The following CEP128 variants were observed in gnomAD, a reference collection of about 807,000 sequenced individuals.
CEP128 encodes centrosomal protein 128.
CEP128 carries 132 observed loss-of-function variants against 156.7 expected under a neutral mutation model. That is an observed-to-expected ratio of 0.84 (90% CI 0.73 to 0.97). The LOEUF is 0.97. Ranked by LOEUF, CEP128 falls within the 50% of genes least tolerant of loss-of-function variation. CEP128 has a pLI of 0.00. For missense variants in CEP128, 1,252 were observed against 1,281.9 expected (o/e 0.98, Z 0.36); for synonymous variants, 469 against 448.9 (o/e 1.04, Z -0.57).
intron 19 of CEP128, among the ~76,000 whole-genome samples, chr14:80,648,646 G>T (rs1894764486): frequency 6.6e-6 from 1 of 151,990 alleles, no homozygotes; most frequent in Non-Finnish European, 1.5e-5. Context: ...CTACATATTT[G>T]TAAACTTCTG....
intron 4 of CEP128, among the ~76,000 whole-genome samples, chr14:80,907,636 C>T (rs1020375407): frequency 7.9e-5 from 10 of 126,522 alleles, no homozygotes; most frequent in Non-Finnish European, 1.3e-4. Context: ...CCAGCCTGGG[C>T]GGCAGAGCGA....
chr14:80,890,839 CA>C (rs1433824384), intron 8 of CEP128, among the ~76,000 whole-genome samples: 1 of 151,758 alleles, frequency 6.6e-6, no homozygotes, highest in Non-Finnish European at 1.5e-5. Flanking sequence ...ATAAGGAGCT[CA>C]AACAACTCTA....
intron 20 of CEP128, among the ~76,000 whole-genome samples, chr14:80,561,778 T>C (rs971098134): frequency 6.6e-6 from 1 of 151,998 alleles, no homozygotes; most frequent in Non-Finnish European, 1.5e-5. Context: ...GCATTATAAG[T>C]TGTGTATGAG....
At chr14:80,791,174 T>C (rs950571816) in intron 14 of CEP128, among the ~76,000 whole-genome samples, 11 of 152,180 alleles carry the variant, frequency 7.2e-5, no homozygotes, top group Admixed American at 3.9e-4. Flanking sequence ...CTGAGCACAT[T>C]TCTTACTCTT....
intron 5 of CEP128, 56 bp from the exon 6 acceptor site, chr14:80,904,987 C>G (rs1265659656): frequency 7.8e-6 from 8 of 1,028,064 alleles, no homozygotes; most frequent in Admixed American, 1.7e-5. Context: ...AAGAGACAAT[C>G]TAAAATTTTA....
At chr14:80,955,622 C>T in intron 2 of CEP128, 2 of 1,604,648 alleles carry the variant, frequency 1.2e-6, no homozygotes, top group Non-Finnish European at 1.7e-6. Flanking sequence ...ACCCGAGGTG[C>T]AGAGCTGAGA....
chr14:80,695,222 T>G (rs1896851925), intron 19 of CEP128, among the ~76,000 whole-genome samples: 1 of 151,972 alleles, frequency 6.6e-6, no homozygotes, highest in African/African-American at 2.4e-5. Context: ...AAAAAAAAAC[T>G]TTGTTCCATA....
intron 19 of CEP128, among the ~76,000 whole-genome samples, chr14:80,594,815 A>G (rs187995987): frequency 9.6e-4 from 146 of 152,344 alleles, no homozygotes; most frequent in African/African-American, 3.1e-3. Flanking sequence ...TTAAAAAGTC[A>G]GGAAACAACA....
At chr14:80,659,558 G>A (rs956031685) in intron 19 of CEP128, among the ~76,000 whole-genome samples, 9 of 152,122 alleles carry the variant, frequency 5.9e-5, no homozygotes, top group Non-Finnish European at 8.8e-5. Context: ...CTATAACTCC[G>A]TGGTCTACTC....
At chr14:80,809,661 G>A (rs375441978) in intron 13 of CEP128, among the ~76,000 whole-genome samples, 5 of 152,134 alleles carry the variant, frequency 3.3e-5, no homozygotes, top group African/African-American at 1.2e-4. Context: ...TCAGACTAAC[G>A]GTGAACTTCT....
intron 19 of CEP128, among the ~76,000 whole-genome samples, chr14:80,629,759 T>A (rs1222547223): frequency 2.0e-5 from 3 of 152,068 alleles, no homozygotes; most frequent in African/African-American, 7.2e-5. Context: ...TCTTTTCTTT[T>A]CCATCAGTGA....
At chr14:80,599,265 C>CTTTTTTTTTT (rs375136337) in intron 19 of CEP128, among the ~76,000 whole-genome samples, 2 of 85,406 alleles carry the variant, frequency 2.3e-5, no homozygotes, top group Admixed American at 1.6e-4. Context: ...CAGTCATATT[C>CTTTTTTTTTT]TTTTTTTTTT....
chr14:80,643,396 G>A (rs1894502058), intron 19 of CEP128, among the ~76,000 whole-genome samples: 1 of 152,064 alleles, frequency 6.6e-6, no homozygotes, highest in Admixed American at 6.5e-5. Flanking sequence ...AATGTGGGGT[G>A]CAACACAACT....
At chr14:80,741,728 T>A (rs560131353) in intron 19 of CEP128, among the ~76,000 whole-genome samples, 2 of 152,156 alleles carry the variant, frequency 1.3e-5, no homozygotes, top group African/African-American at 4.8e-5. Flanking sequence ...TTCTACTTAA[T>A]AGGTAAGTTT....
rs143227436 is a variant in CEP128, at chr14:80,616,514, C to T, written c.2807-36091G>A. On this transcript the variant is annotated intron_variant, in intron 19 of 24. Transcript: ENST00000555265. Reference sequence around the variant, plus strand: ...ACTTTTCTTGGTTATGCTAAATTACCCAAATTCAACTGTTTTTTTTGATAT... The same window carrying T: ...ACTTTTCTTGGTTATGCTAAATTACTCAAATTCAACTGTTTTTTTTGATAT... Among the ~76,000 whole-genome samples, 25 of 144,158 alleles carry T rather than the reference C, an allele frequency of 1.7e-4. No individual in the cohort carries two copies. The East Asian group carries it at 4.9e-3, about 28-fold the overall frequency. The allele number at this position is 144,158 out of a possible 152,430, so 94.6% of individuals were successfully genotyped here.
chr14:80,792,665 T>C (rs1273746231), intron 14 of CEP128, 95 bp downstream of exon 14: 2 of 908,504 alleles, frequency 2.2e-6, no homozygotes, highest in Non-Finnish European at 1.7e-6. Flanking sequence ...ATTGATTATA[T>C]GTACAGTATG....
intron 16 of CEP128, among the ~76,000 whole-genome samples, chr14:80,767,196 C>T (rs1202160774): frequency 2.0e-5 from 3 of 151,948 alleles, no homozygotes; most frequent in Admixed American, 6.6e-5. Context: ...ACAAGGGCAA[C>T]TAAATGAGAA....
intron 19 of CEP128, among the ~76,000 whole-genome samples, chr14:80,729,574 T>C (rs1348611588): frequency 6.6e-6 from 1 of 152,186 alleles, no homozygotes; most frequent in Non-Finnish European, 1.5e-5. Flanking sequence ...GATCAAATGG[T>C]AAATCTACTT....
intron 6 of CEP128, 133 bp downstream of exon 6, chr14:80,904,680 A>G: frequency 1.7e-6 from 1 of 594,902 alleles, no homozygotes; most frequent in Admixed American, 2.7e-5. Flanking sequence ...TTCCAAAAAA[A>G]GGGATCAGTA....
Sources: allele counts gnomAD v4.1 joint callset (sites outside exome capture counted in the v4.1 genomes callset), GRCh38; gene constraint gnomAD v4.1.1; transcripts MANE v1.5; gene names NCBI Gene and HGNC (gene_info 2026-07-23, HGNC 2026-07-21).